MYO1E: variants seen among roughly 807,000 people sequenced by gnomAD.
MYO1E encodes the protein unconventional myosin-Ie.
A neutral mutation model predicts 151.1 loss-of-function variants in MYO1E; 68 were observed. The ratio of observed to expected loss-of-function variants is 0.45; its 90% CI spans 0.37 to 0.55. The LOEUF is 0.55. MYO1E is among the 20% of genes least tolerant of loss of function. MYO1E has a pLI of 0.00. For missense variants in MYO1E, 1,363 were observed against 1,389.3 expected (o/e 0.98, Z 0.30); for synonymous variants, 601 against 501.7 (o/e 1.20, Z -2.64).
chr15:59,140,385 A>G (rs1366336136), intron 26 of MYO1E, among the ~76,000 whole-genome samples: 4 of 152,266 alleles, frequency 2.6e-5, no homozygotes, highest in Non-Finnish European at 5.9e-5. Context: ...GCATTTAGCA[A>G]AAACAAAAAG....
At chr15:59,320,181 G>A (rs534036782) in intron 1 of MYO1E, among the ~76,000 whole-genome samples, 87 of 152,118 alleles carry the variant, frequency 5.7e-4, no homozygotes, top group African/African-American at 1.8e-3. Flanking sequence ...TGACACAAAC[G>A]AATGGAAAAA....
intron 1 of MYO1E, among the ~76,000 whole-genome samples, chr15:59,369,300 C>T (rs1390776943): frequency 1.3e-5 from 2 of 152,194 alleles, no homozygotes; most frequent in African/African-American, 4.8e-5. Flanking sequence ...GAAAAGGGAA[C>T]AGCTCTTGAA....
chr15:59,205,291 T>C (rs1250893381), intron 15 of MYO1E, 109 bp downstream of exon 15: 2 of 1,071,676 alleles, frequency 1.9e-6, no homozygotes, highest in Admixed American at 1.7e-5. Flanking sequence ...GCCTCCTGAG[T>C]AGCTGGGACT....
intron 22 of MYO1E, among the ~76,000 whole-genome samples, chr15:59,167,039 A>G (rs1258725930): frequency 6.6e-5 from 10 of 152,170 alleles, no homozygotes; most frequent in Admixed American, 1.3e-4. Context: ...CATGATGTTG[A>G]CAACTTCCAG....
rs533426785 is a variant in MYO1E at position 59,334,369 on chromosome 15, T to C, written c.3+38129A>G. On this transcript the variant is annotated intron_variant, in intron 1 of 27. Coordinates refer to ENST00000288235, the MANE Select transcript of MYO1E (RefSeq NM_004998.4). ...AATTATAAAGGCTTAAGGTGATGGA[T>C]ACCCCATTTATCCTGATGTGATTAT... Among the ~76,000 whole-genome samples the C allele has an allele frequency of 7.2e-5, 11 of 152,308 alleles. No homozygotes were observed. The South Asian group carries it at 2.3e-3, about 32-fold the overall frequency.
At chr15:59,240,644 G>A (rs191422877) in intron 4 of MYO1E, among the ~76,000 whole-genome samples, 5 of 152,024 alleles carry the variant, frequency 3.3e-5, no homozygotes, top group African/African-American at 9.7e-5. Context: ...AGTAGGATCC[G>A]CTGTTACCAC....
intron 14 of MYO1E, among the ~76,000 whole-genome samples, chr15:59,206,000 T>G (rs1448545471): frequency 6.6e-6 from 1 of 152,054 alleles, no homozygotes; most frequent in East Asian, 1.9e-4. Context: ...GATACTCTGT[T>G]TAACAAGAGA....
chr15:59,161,246 T>A lies in MYO1E; in HGVS notation c.2628-16A>T. ...CAGTTCAAGCCTGCAAAAAGCACAG[T>A]GGGGTTAACAGGTCGAAGGACGCAG... On this transcript the variant is annotated splice_polypyrimidine_tract_variant and intron_variant, in intron 23 of 27. Transcript: ENST00000288235. 6.2e-7 allele frequency: 1 copy of A among 1,612,816 alleles called. No individual in the cohort carries two copies. The highest frequency in any genetic ancestry group is 2.2e-5 in the East Asian group (1 of 44,808).
chr15:59,184,278 A>G (rs780807877), intron 18 of MYO1E, among the ~76,000 whole-genome samples: 20 of 152,106 alleles, frequency 1.3e-4, no homozygotes, highest in Non-Finnish European at 2.1e-4. Flanking sequence ...AAGTGCTGGG[A>G]TAACAGGTGG....
intron 17 of MYO1E, among the ~76,000 whole-genome samples, chr15:59,193,084 A>AGATCCCAGTCTAGTTCTTTGCTCTG (rs1358081436): frequency 6.6e-6 from 1 of 152,218 alleles, no homozygotes; most frequent in African/African-American, 2.4e-5. Flanking sequence ...TCTTTGCTCT[A>AGATCCCAGTCTAGTTCTTTGCTCTG]GATCAGTGAT....
intron 22 of MYO1E, 75 bp from the exon 23 acceptor site, chr15:59,163,378 T>C (rs1167013212): frequency 2.7e-6 from 4 of 1,482,652 alleles, no homozygotes; most frequent in Non-Finnish European, 3.7e-6. Context: ...TTTTCTTCCA[T>C]TTTAAAAATC....
chr15:59,259,229 A>T (rs1282654370), intron 3 of MYO1E, among the ~76,000 whole-genome samples: 4 of 152,348 alleles, frequency 2.6e-5, no homozygotes, highest in African/African-American at 9.6e-5. Context: ...ACAGAACAGT[A>T]GGGTTTGTAA....
chr15:59,279,129 G>A (rs907704856), intron 1 of MYO1E, among the ~76,000 whole-genome samples: 1 of 152,072 alleles, frequency 6.6e-6, no homozygotes, highest in Admixed American at 6.5e-5. Context: ...TTTCATCCCT[G>A]AGACCTGACA....
At chr15:59,176,449 CTTT>C (rs68139054) in intron 19 of MYO1E, among the ~76,000 whole-genome samples, 3 of 111,972 alleles carry the variant, frequency 2.7e-5, no homozygotes, top group African/African-American at 6.6e-5. Flanking sequence ...TTTCTTTTTC[CTTT>C]TTTTTTTTTT....
intron 2 of MYO1E, among the ~76,000 whole-genome samples, chr15:59,268,938 T>C (rs1195579324): frequency 6.6e-6 from 1 of 151,912 alleles, no homozygotes; most frequent in Non-Finnish European, 1.5e-5. Flanking sequence ...TTTGTTTTTA[T>C]ACTCAGCTTA....
chr15:59,178,585 C>A (rs370052554), intron 18 of MYO1E, 48 bp from the exon 19 acceptor site: 141 of 1,602,518 alleles, frequency 8.8e-5, no homozygotes, highest in Non-Finnish European at 1.1e-4. Flanking sequence ...CGGGACCGCA[C>A]TGGTTTTCTA....
At chr15:59,237,058 TG>T (rs1305400443) in intron 4 of MYO1E, among the ~76,000 whole-genome samples, 2 of 152,138 alleles carry the variant, frequency 1.3e-5, no homozygotes, top group African/African-American at 4.8e-5. Flanking sequence ...TCATGTTAAG[TG>T]AAATAAGTCA....
chr15:59,249,182 G>C (rs1206193400), intron 4 of MYO1E, among the ~76,000 whole-genome samples: 1 of 152,172 alleles, frequency 6.6e-6, no homozygotes, highest in Non-Finnish European at 1.5e-5. Context: ...CCAGCACTTT[G>C]GGAGGCTGAG....
intron 1 of MYO1E, among the ~76,000 whole-genome samples, chr15:59,276,683 T>C (rs1407278895): frequency 6.6e-6 from 1 of 152,132 alleles, no homozygotes. Flanking sequence ...ATTTAAGAGG[T>C]GGAACCCAAA....
Sources: gnomAD v4.1 joint callset for allele counts (sites outside exome capture counted in the v4.1 genomes callset) on GRCh38, gnomAD v4.1.1 for gene constraint, MANE v1.5 for transcripts, NCBI Gene and HGNC (gene_info 2026-07-23, HGNC 2026-07-21) for gene names.